CCDC77: variants seen among roughly 807,000 people sequenced by gnomAD.
The protein encoded by CCDC77 is coiled-coil domain containing 77.
A neutral mutation model predicts 66.8 loss-of-function variants in CCDC77; 56 were observed. The observed-to-expected ratio is 0.84, with a 90% CI of 0.68 to 1.05. CCDC77 has a LOEUF of 1.05. Ranked by LOEUF, CCDC77 falls within the 50% of genes least tolerant of loss-of-function variation. The pLI, the probability that CCDC77 is intolerant of heterozygous loss-of-function variation, is 0.00. For missense variants in CCDC77, 570 were observed against 576.8 expected (o/e 0.99, Z 0.12); for synonymous variants, 196 against 195.2 (o/e 1.00, Z -0.03).
At chr12:418,786 A>G (rs1195176206) in intron 5 of CCDC77, 150 bp downstream of exon 5, 1 of 756,628 alleles carries the variant, frequency 1.3e-6, no homozygotes, top group Non-Finnish European at 2.1e-6. Flanking sequence ...TGCAGCCTCC[A>G]CCTCCTGGTT....
chr12:402,710 G>A (rs892661546), intron 1 of CCDC77, among the ~76,000 whole-genome samples: 4 of 152,228 alleles, frequency 2.6e-5, no homozygotes, highest in South Asian at 2.1e-4. Context: ...TCCAGGAGAC[G>A]CAAGGAGTAG....
At chr12:426,056 G>A (rs1945522937) in intron 5 of CCDC77, among the ~76,000 whole-genome samples, 1 of 152,132 alleles carries the variant, frequency 6.6e-6, no homozygotes, top group African/African-American at 2.4e-5. Context: ...GTAGAGATGG[G>A]GTTTCACCAT....
intron 9 of CCDC77, among the ~76,000 whole-genome samples, chr12:436,375 C>T (rs1387611558): frequency 3.3e-5 from 5 of 151,862 alleles, no homozygotes; most frequent in Non-Finnish European, 7.4e-5. Context: ...CTGCCCGCCT[C>T]GGCCTCCCAA....
intron 9 of CCDC77, among the ~76,000 whole-genome samples, chr12:435,059 T>C (rs914739780): frequency 2.9e-4 from 35 of 121,130 alleles, no homozygotes; most frequent in Non-Finnish European, 5.1e-4. Context: ...TTTCATCTAG[T>C]TTCATGGTAT....
At position 440,740 on chromosome 12, in the gene CCDC77, A is replaced by C. The variant is rs746044703; in HGVS notation, c.1165A>C (p.Lys389Gln). 1.2e-6 allele frequency: 2 copies of C among 1,614,020 alleles called. No individual in the cohort carries two copies. The highest frequency in any genetic ancestry group is 1.7e-6 in the Non-Finnish European group (2 of 1,180,050). The change falls in exon 11 of 13, where the codon AAG becomes CAG. Residue 389 changes from lysine (K) to glutamine (Q), a missense_variant and splice_region_variant. Physicochemically the swap from Lys to Gln is moderately conservative, Grantham distance 53. Coordinates refer to ENST00000239830, the MANE Select transcript of CCDC77 (RefSeq NM_032358.4). Reference protein sequence around the residue: ...EEEGMRREIFKDRTNKMGKRL... With the variant: ...EEEGMRREIFQDRTNKMGKRL... ...AGAGGGAATGAGGAGAGAGATCTTC[A>C]AGGTACGAAATTATCTGCCACTTGT...
chr12:422,508 C>T (rs1274044484), intron 5 of CCDC77, among the ~76,000 whole-genome samples: 2 of 152,200 alleles, frequency 1.3e-5, no homozygotes, highest in East Asian at 1.9e-4. Context: ...AGGTGCCTCA[C>T]GTAAGTGGAA....
chr12:397,317 A>G (rs1944840393), upstream of CCDC77, among the ~76,000 whole-genome samples: 1 of 152,224 alleles, frequency 6.6e-6, no homozygotes, highest in African/African-American at 2.4e-5. Context: ...CAGGCTCACC[A>G]TGACTTGATT....
rs779313620 is a variant in CCDC77 at position 431,934 on chromosome 12, A to G, written c.652A>G (p.Ile218Val). The change falls in exon 8 of 13, where the codon ATA (isoleucine) becomes GTA (valine). Residue 218 changes from isoleucine (I) to valine (V), a missense_variant. Physicochemically the swap from Ile to Val is conservative, Grantham distance 29. Transcript: ENST00000239830. ...KESSEHYQRD[I>V]QTLILQVEAL... ...AAGTTCTGAGCATTACCAAAGAGAC[A>G]TACAGACACTCATCCTACAGGTAAA... is the stretch of plus-strand genomic sequence containing the variant. The G allele has an allele frequency of 6.2e-6, 10 of 1,610,908 alleles. No individual in the cohort carries two copies. In the Admixed American group the frequency reaches 6.7e-5, roughly 11 times the overall value.
chr12:397,860 A>G (rs1944848461), upstream of CCDC77, among the ~76,000 whole-genome samples: 1 of 152,052 alleles, frequency 6.6e-6, no homozygotes, highest in Non-Finnish European at 1.5e-5. Flanking sequence ...CTTAGCCAGG[A>G]TGGTCTCCAT....
chr12:428,863 AAAGT>A lies in CCDC77; in HGVS notation c.510+5_510+8del, dbSNP rs777815645. On this transcript the variant is annotated splice_donor_variant and coding_sequence_variant, in exon 6 of 13. Transcript: ENST00000239830. LOFTEE classifies it high-confidence loss of function. Reference sequence around the variant, plus strand: ...CTATTTTTGTAAGGAGCCTCCTCACAAAGTAAGTAATCTTTGGTGTAGCATGGTG... The same window carrying A: ...CTATTTTTGTAAGGAGCCTCCTCACAAAGTAATCTTTGGTGTAGCATGGTG... 6.3e-7 allele frequency: 1 copy of A among 1,597,248 alleles called. No individual in the cohort carries two copies. Among genetic ancestry groups the A allele is most frequent in the Non-Finnish European group, 8.6e-7 (1 of 1,165,708 alleles).
At chr12:416,373 GTGTGTATA>G (rs1302845424) in intron 4 of CCDC77, among the ~76,000 whole-genome samples, 54 of 25,270 alleles carry the variant, frequency 2.1e-3, no homozygotes, top group African/African-American at 8.4e-3. Context: ...GTGTGTGTGT[GTGTGTATA>G]TATATATATA....
intron 5 of CCDC77, among the ~76,000 whole-genome samples, chr12:428,144 G>A (rs1262209821): frequency 2.0e-5 from 3 of 152,154 alleles, no homozygotes; most frequent in Non-Finnish European, 4.4e-5. Context: ...GCAGTTGGCA[G>A]AATGAGCCCA....
intron 5 of CCDC77, among the ~76,000 whole-genome samples, chr12:426,071 G>T (rs965017412): frequency 1.3e-5 from 2 of 152,126 alleles, no homozygotes; most frequent in Non-Finnish European, 2.9e-5. Context: ...CACCATTTTG[G>T]ACAGGCTGGT....
At chr12:409,224 A>AAT in intron 2 of CCDC77, 144 bp from the exon 3 acceptor site, 1 of 562,740 alleles carries the variant, frequency 1.8e-6, no homozygotes, top group Non-Finnish European at 3.1e-6. Flanking sequence ...AAAAAAAAAA[A>AAT]GAAAAAAAAA....
Position 436,262 on chromosome 12 carries a change from C to T in CCDC77, c.822-2073C>T, listed in dbSNP as rs567223812. Among the ~76,000 whole-genome samples, 457 of 151,850 alleles carry T rather than the reference C, an allele frequency of 3.0e-3. 3 individuals are homozygous for T. The highest frequency in any genetic ancestry group is 0.01 in the African/African-American group (418 of 41,442). ...CCTCCTGAGTAGCTGGGACTACAGGCGCCCACCACCACGCCCGGCTAATTT... is the reference window on the plus strand; with the variant it reads ...CCTCCTGAGTAGCTGGGACTACAGGTGCCCACCACCACGCCCGGCTAATTT... On this transcript the variant is annotated intron_variant, in intron 9 of 12. Coordinates refer to ENST00000239830, the MANE Select transcript of CCDC77 (RefSeq NM_032358.4).
intron 1 of CCDC77, among the ~76,000 whole-genome samples, chr12:389,788 G>GC (rs1325940454): frequency 1.3e-5 from 2 of 152,166 alleles, no homozygotes; most frequent in African/African-American, 4.8e-5. Context: ...TGCGTTTATA[G>GC]CAAGTAGCCT....
intron 1 of CCDC77, among the ~76,000 whole-genome samples, chr12:393,473 G>A (rs1356795649): frequency 6.6e-6 from 1 of 151,746 alleles, no homozygotes; most frequent in Non-Finnish European, 1.5e-5. Flanking sequence ...TAACAATTTG[G>A]AATCTAAAAC....
chr12:433,115 A>G (rs1945680777), intron 8 of CCDC77, 59 bp from the exon 9 acceptor site: 4 of 1,519,298 alleles, frequency 2.6e-6, no homozygotes, highest in Non-Finnish European at 3.6e-6. Flanking sequence ...CACTTTTCCT[A>G]GAGGTATGAA....
chr12:433,225 C>T lies in CCDC77; in HGVS notation c.724C>T (p.Gln242Ter), dbSNP rs762749495. The T allele has an allele frequency of 1.2e-6, 2 of 1,613,950 alleles. No individual in the cohort carries two copies. The highest frequency in any genetic ancestry group is 1.7e-6 in the Non-Finnish European group (2 of 1,179,980). The change falls in exon 9 of 13, where the codon CAA becomes TAA. Residue 242 changes from glutamine to a stop codon, truncating the protein, a stop_gained. Coordinates refer to ENST00000239830, the MANE Select transcript of CCDC77 (RefSeq NM_032358.4). LOFTEE classifies it high-confidence loss of function. ...AGAGCAGACCAAACTTTCTCGAGAA[C>T]AAATTGAAGGGCTCATCGAGGACAG... ...LGEQTKLSRE[Q>*]IEGLIEDRRI...
Sources: gnomAD v4.1 joint callset for allele counts (sites outside exome capture counted in the v4.1 genomes callset) on GRCh38, gnomAD v4.1.1 for gene constraint, MANE v1.5 for transcripts, NCBI Gene and HGNC (gene_info 2026-07-23, HGNC 2026-07-21) for gene names.